Variants in HSPA12A observed in about 807,000 individuals in gnomAD.
HSPA12A encodes heat shock 70 kDa protein 12A.
HSPA12A carries 28 observed loss-of-function variants against 69.2 expected under a neutral mutation model. The observed-to-expected ratio is 0.40, with a 90% CI of 0.30 to 0.55. The LOEUF (loss-of-function observed/expected upper bound fraction) is 0.55, where lower values mean the gene tolerates loss of function less well. Ranked by LOEUF, HSPA12A falls within the 20% of genes least tolerant of loss-of-function variation. The pLI, the probability that HSPA12A is intolerant of heterozygous loss-of-function variation, is 0.38. For synonymous variants in HSPA12A, 345 were observed against 370.5 expected (o/e 0.93, Z 0.79); for missense variants, 686 against 900.7 (o/e 0.76, Z 3.05).
intron 2 of HSPA12A, among the ~76,000 whole-genome samples, chr10:116,815,745 CA>C (rs1845291353): frequency 1.3e-5 from 2 of 152,282 alleles, no homozygotes; most frequent in African/African-American, 4.8e-5. Flanking sequence ...CAAACGCTGC[CA>C]GCCACAAATC....
chr10:116,765,355 C>T (rs1363953826), intron 2 of HSPA12A, among the ~76,000 whole-genome samples: 1 of 151,968 alleles, frequency 6.6e-6, no homozygotes, highest in Admixed American at 6.6e-5. Context: ...TAAAATAAAA[C>T]CTGAAACATC....
chr10:116,756,632 T>C (rs1450239124), intron 2 of HSPA12A, among the ~76,000 whole-genome samples: 6 of 152,252 alleles, frequency 3.9e-5, no homozygotes, highest in Middle Eastern at 3.2e-3. Flanking sequence ...CTGAATCTTG[T>C]GCTCCTTTGA....
chr10:116,749,356 G>T (rs1361944920), intron 2 of HSPA12A, among the ~76,000 whole-genome samples: 2 of 152,232 alleles, frequency 1.3e-5, no homozygotes, highest in Non-Finnish European at 2.9e-5. Flanking sequence ...CACATCCATT[G>T]CCCCATTTAT....
chr10:116,741,778 T>C (rs993262461), intron 1 of HSPA12A, among the ~76,000 whole-genome samples: 20 of 152,106 alleles, frequency 1.3e-4, no homozygotes, highest in African/African-American at 4.8e-4. Context: ...TGCCTCCCCC[T>C]GCCCCCCGCA....
intron 11 of HSPA12A, 126 bp downstream of exon 11, chr10:116,676,273 G>A (rs1554877686): frequency 4.0e-6 from 3 of 744,972 alleles, no homozygotes; most frequent in African/African-American, 3.4e-5. Context: ...GTCCTGCAGG[G>A]CCCTTGCCTG....
intron 2 of HSPA12A, among the ~76,000 whole-genome samples, chr10:116,834,716 G>C (rs1482629966): frequency 3.9e-5 from 6 of 152,182 alleles, no homozygotes; most frequent in Non-Finnish European, 8.8e-5. Flanking sequence ...TTTGTTTCCT[G>C]ACTCAAGGGT....
At chr10:116,775,145 A>G (rs2133125174) in intron 2 of HSPA12A, among the ~76,000 whole-genome samples, 1 of 152,316 alleles carries the variant, frequency 6.6e-6, no homozygotes, top group African/African-American at 2.4e-5. Flanking sequence ...AATTGCTGCC[A>G]TTTACCAAGT....
At chr10:116,812,129 A>T (rs768628008) in intron 2 of HSPA12A, among the ~76,000 whole-genome samples, 5 of 152,116 alleles carry the variant, frequency 3.3e-5, no homozygotes, top group Non-Finnish European at 1.5e-5. Context: ...ACAAAGACAC[A>T]CTTTGTATAT....
chr10:116,824,920 C>T (rs1009066428), intron 2 of HSPA12A, among the ~76,000 whole-genome samples: 1 of 151,680 alleles, frequency 6.6e-6, no homozygotes, highest in Non-Finnish European at 1.5e-5. Flanking sequence ...GCATAAGCCA[C>T]AGTACCCGGC....
intron 2 of HSPA12A, among the ~76,000 whole-genome samples, chr10:116,820,896 C>T (rs1323503915): frequency 1.3e-5 from 2 of 152,134 alleles, no homozygotes; most frequent in African/African-American, 4.8e-5. Context: ...CAGTTGCTGG[C>T]ACATCATATT....
chr10:116,715,304 T>C (rs1850572720), intron 1 of HSPA12A, among the ~76,000 whole-genome samples: 1 of 152,136 alleles, frequency 6.6e-6, no homozygotes, highest in Non-Finnish European at 1.5e-5. Context: ...AAAACACACA[T>C]CAACTCCAGT....
chr10:116,725,831 C>T (rs1850935857), intron 1 of HSPA12A, among the ~76,000 whole-genome samples: 1 of 152,044 alleles, frequency 6.6e-6, no homozygotes, highest in African/African-American at 2.4e-5. Flanking sequence ...TCTTCCCTCC[C>T]CCAACCCCTG....
At chr10:116,738,720 C>T (rs367588802) in intron 1 of HSPA12A, among the ~76,000 whole-genome samples, 1 of 152,228 alleles carries the variant, frequency 6.6e-6, no homozygotes, top group East Asian at 1.9e-4. Flanking sequence ...TGGATGAGCC[C>T]AGGAAGGCTT....
intron 1 of HSPA12A, among the ~76,000 whole-genome samples, chr10:116,844,675 T>C (rs726525): frequency 0.53 from 80,873 of 152,022 alleles, 22,110 homozygotes; most frequent in East Asian, 0.87. Flanking sequence ...TAAAGGGACC[T>C]GCAGTCATGT....
At chr10:116,810,494 C>G (rs776075487) in intron 2 of HSPA12A, among the ~76,000 whole-genome samples, 17 of 152,170 alleles carry the variant, frequency 1.1e-4, no homozygotes, top group Non-Finnish European at 2.4e-4. Flanking sequence ...ATCTCTTGCA[C>G]TTATATATAC....
chr10:116,697,692 T>C (rs2132955074), intron 5 of HSPA12A, among the ~76,000 whole-genome samples: 1 of 152,334 alleles, frequency 6.6e-6, no homozygotes, highest in East Asian at 1.9e-4. Flanking sequence ...TACTCAGATA[T>C]AATTTCCATA....
rs140487353 is a variant in HSPA12A, at chr10:116,759,779, T to C, written c.92-52494A>G. On this transcript the variant is annotated intron_variant, in intron 2 of 12. Coordinates refer to the HSPA12A transcript ENST00000635765. ...TCGTAGCTCCCACAATTCCCACATG[T>C]TGTGGGAGGGACCTGGTGGGAGGTA... Among the ~76,000 whole-genome samples, 739 of 152,150 alleles carry C rather than the reference T, an allele frequency of 4.9e-3. 3 individuals carry two copies. Among genetic ancestry groups the C allele is most frequent in the African/African-American group, 0.017 (708 of 41,494 alleles).
chr10:116,816,674 G>A (rs1053780775), intron 2 of HSPA12A, among the ~76,000 whole-genome samples: 1 of 152,166 alleles, frequency 6.6e-6, no homozygotes, highest in African/African-American at 2.4e-5. Flanking sequence ...TGGTCTCCCT[G>A]AAAATCTGCC....
intron 2 of HSPA12A, among the ~76,000 whole-genome samples, chr10:116,798,866 C>G (rs1681734): frequency 0.32 from 48,825 of 151,904 alleles, 8,612 homozygotes; most frequent in Non-Finnish European, 0.4. Context: ...AAAATCTAAT[C>G]CCCCTGTGAA....
Sources: gnomAD v4.1 joint callset for allele counts (sites outside exome capture counted in the v4.1 genomes callset) on GRCh38, gnomAD v4.1.1 for gene constraint, MANE v1.5 for transcripts, NCBI Gene and HGNC (gene_info 2026-07-23, HGNC 2026-07-21) for gene names.